Variants in TSHZ2 observed in about 807,000 individuals in gnomAD.
The protein encoded by TSHZ2 is teashirt homolog 2.
TSHZ2 carries 21 observed loss-of-function variants against 74.4 expected under a neutral mutation model. That is an observed-to-expected ratio of 0.28 (90% CI 0.20 to 0.41). The LOEUF (loss-of-function observed/expected upper bound fraction) is 0.41, where lower values mean the gene tolerates loss of function less well. TSHZ2 is among the 10% of genes least tolerant of loss of function. The probability of loss-of-function intolerance (pLI) is 1.00; values close to 1 mark genes in which losing one functional copy is unlikely to be tolerated. For synonymous variants in TSHZ2, 540 were observed against 515.3 expected (o/e 1.05, Z -0.65); for missense variants, 1,244 against 1,293.5 (o/e 0.96, Z 0.59).
chr20:52,993,088 A>G (rs542771706), intron 1 of TSHZ2, among the ~76,000 whole-genome samples: 1 of 152,342 alleles, frequency 6.6e-6, no homozygotes, highest in South Asian at 2.1e-4. Context: ...CATCCACAAT[A>G]GAAGGACTTT....
chr20:53,004,053 C>G (rs529375461), intron 1 of TSHZ2, among the ~76,000 whole-genome samples: 1 of 152,164 alleles, frequency 6.6e-6, no homozygotes, highest in South Asian at 2.1e-4. Context: ...GCAGGCGAAA[C>G]CCTATAGAGG....
intron 2 of TSHZ2, among the ~76,000 whole-genome samples, chr20:53,304,017 A>G (rs891126088): frequency 6.6e-6 from 1 of 151,870 alleles, no homozygotes; most frequent in African/African-American, 2.4e-5. Context: ...TTCACACATC[A>G]TTCAAACAAC....
In TSHZ2 at chr20:53,256,502, A is replaced by G; in HGVS notation, c.3044A>G (p.Lys1015Arg). The change falls in exon 2 of 3, where the codon AAA becomes AGA. Residue 1015 changes from lysine (K) to arginine (R), a missense_variant. Lys to Arg is a conservative substitution (Grantham distance 26). This residue lies in a region of TSHZ2 where 185 missense variants were observed against 213.3 expected (regional missense o/e 0.87). Transcript: ENST00000371497. This position sits in a 1 kb window ranked among gnomAD's most constrained non-coding sequence, Gnocchi z 4.3. Reference protein sequence around the residue: ...SKHAVKLHLSKTHSKSPEHHS... With the variant: ...SKHAVKLHLSRTHSKSPEHHS... ...CATGCGGTAAAACTCCACCTAAGCA[A>G]AACGCACAGCAAGTCACCCGAACAC... The G allele has an allele frequency of 3.1e-6, 5 of 1,612,944 alleles. No individual in the cohort carries two copies. The highest frequency in any genetic ancestry group is 4.2e-6 in the Non-Finnish European group (5 of 1,179,148).
chr20:53,040,949 G>A (rs184874514), intron 1 of TSHZ2, among the ~76,000 whole-genome samples: 73 of 152,190 alleles, frequency 4.8e-4, no homozygotes, highest in Non-Finnish European at 6.2e-4. Context: ...TTTCTTTACC[G>A]TGCCATGAAC....
At position 53,256,253 on chromosome 20, in the gene TSHZ2, C is replaced by A; in HGVS notation, c.2795C>A (p.Ala932Asp). 6.2e-7 allele frequency: 1 copy of A among 1,614,024 alleles called. No individual in the cohort carries two copies. The change falls in exon 2 of 3, where the codon GCC (alanine) becomes GAC (aspartate). Residue 932 changes from alanine to aspartate, a missense_variant. Physicochemically the swap from Ala to Asp is moderately radical, Grantham distance 126 (BLOSUM62 -2). Transcript: ENST00000371497. The surrounding 1 kb of genome is among the most constrained non-coding windows in gnomAD (Gnocchi z 4.3). ...GHPIFYCSDC[A>D]SQFRTPSTYI... The stretch of plus-strand genomic sequence containing the variant: ...CCCATCTTTTATTGCAGTGACTGTG[C>A]CTCCCAGTTCAGAACCCCTTCTACC...
intron 2 of TSHZ2, among the ~76,000 whole-genome samples, chr20:53,440,476 G>A (rs1296530555): frequency 6.6e-6 from 1 of 152,058 alleles, no homozygotes; most frequent in African/African-American, 2.4e-5. Flanking sequence ...TTCTTTGTTC[G>A]TATCTATGAT....
chr20:53,374,656 T>C (rs1471409077), intron 2 of TSHZ2, among the ~76,000 whole-genome samples: 1 of 152,140 alleles, frequency 6.6e-6, no homozygotes, highest in Non-Finnish European at 1.5e-5. Flanking sequence ...CTGTTTTTGT[T>C]TTGTTTTGTT....
chr20:53,384,016 C>T (rs1007630580), intron 2 of TSHZ2, among the ~76,000 whole-genome samples: 9 of 152,146 alleles, frequency 5.9e-5, no homozygotes, highest in African/African-American at 1.9e-4. Flanking sequence ...TGAGTTCCAC[C>T]TGGGGCTCTG....
intron 2 of TSHZ2, among the ~76,000 whole-genome samples, chr20:53,298,344 C>T (rs578064897): frequency 2.0e-5 from 3 of 152,296 alleles, no homozygotes; most frequent in East Asian, 1.9e-4. Context: ...TACAAACCAT[C>T]GCACTGGGTC....
chr20:53,288,484 A>G (rs913247904), intron 2 of TSHZ2, among the ~76,000 whole-genome samples: 1 of 152,154 alleles, frequency 6.6e-6, no homozygotes, highest in African/African-American at 2.4e-5. Context: ...TGTTAATAGA[A>G]GTCTAGTTTT....
intron 1 of TSHZ2, among the ~76,000 whole-genome samples, chr20:53,234,525 A>G (rs2123678922): frequency 6.6e-6 from 1 of 152,370 alleles, no homozygotes; most frequent in South Asian, 2.1e-4. Flanking sequence ...GTATGAAGGC[A>G]AAAGAAAAAT....
At chr20:53,218,877 G>C (rs1989493217) in intron 1 of TSHZ2, among the ~76,000 whole-genome samples, 1 of 152,186 alleles carries the variant, frequency 6.6e-6, no homozygotes, top group South Asian at 2.1e-4. Flanking sequence ...CAGCACCTGA[G>C]TTTTCTACAC....
chr20:53,262,445 C>T (rs1990623499), intron 2 of TSHZ2, among the ~76,000 whole-genome samples: 1 of 152,174 alleles, frequency 6.6e-6, no homozygotes, highest in South Asian at 2.1e-4. Context: ...ATAATTTCTC[C>T]TTGCATTTAT....
chr20:53,229,167 T>C (rs913824355), intron 1 of TSHZ2, among the ~76,000 whole-genome samples: 3 of 152,158 alleles, frequency 2.0e-5, no homozygotes, highest in South Asian at 4.1e-4. Context: ...GAAGCATCGA[T>C]TGGCTATGAA....
intron 1 of TSHZ2, among the ~76,000 whole-genome samples, chr20:53,056,830 G>A (rs1355685100): frequency 2.6e-5 from 4 of 152,162 alleles, no homozygotes; most frequent in Admixed American, 2.6e-4. Flanking sequence ...CTGTGACTTA[G>A]AATCTCTAGC....
At chr20:53,364,529 C>G (rs1006989990) in intron 2 of TSHZ2, among the ~76,000 whole-genome samples, 1 of 152,204 alleles carries the variant, frequency 6.6e-6, no homozygotes, top group Admixed American at 6.5e-5. Flanking sequence ...TAGGATTACC[C>G]AGCCCCACTT....
chr20:53,237,419 C>A (rs1989964860), intron 1 of TSHZ2, among the ~76,000 whole-genome samples: 1 of 152,124 alleles, frequency 6.6e-6, no homozygotes, highest in African/African-American at 2.4e-5. Flanking sequence ...TACAATTGCA[C>A]AACTGGTTCA....
intron 1 of TSHZ2, among the ~76,000 whole-genome samples, chr20:53,104,297 C>T (rs1986301298): frequency 6.6e-6 from 1 of 152,056 alleles, no homozygotes; most frequent in African/African-American, 2.4e-5. Context: ...CACCGGAAGA[C>T]CTGAAAGAAT....
At chr20:53,067,570 G>A (rs1356931453) in intron 1 of TSHZ2, among the ~76,000 whole-genome samples, 6 of 152,268 alleles carry the variant, frequency 3.9e-5, no homozygotes, top group African/African-American at 7.2e-5. Context: ...CCATGCCAGC[G>A]CCTCACTCCC....
Sources: gnomAD v4.1 joint callset for allele counts (sites outside exome capture counted in the v4.1 genomes callset) on GRCh38, gnomAD v4.1.1 for gene constraint, gnomAD v4.1.1 regional missense constraint, Gnocchi (gnomAD v3.1) non-coding constraint, MANE v1.5 for transcripts, NCBI Gene and HGNC (gene_info 2026-07-23, HGNC 2026-07-21) for gene names.